DCC: variants seen among roughly 807,000 people sequenced by gnomAD.
The protein encoded by DCC is DCC netrin 1 receptor.
DCC carries 58 observed loss-of-function variants against 172.5 expected under a neutral mutation model. The observed-to-expected ratio is 0.34, with a 90% confidence interval of 0.27 to 0.42. The LOEUF is 0.42. DCC is among the 10% of genes least tolerant of loss of function. DCC has a pLI of 1.00. For synonymous variants in DCC, 709 were observed against 644.5 expected (o/e 1.10, Z -1.52); for missense variants, 1,740 against 1,791.0 (o/e 0.97, Z 0.51).
chr18:52,898,574 T>G (rs568561468), intron 2 of DCC, among the ~76,000 whole-genome samples: 7 of 152,294 alleles, frequency 4.6e-5, no homozygotes, highest in African/African-American at 1.4e-4. Context: ...GCAGTGTGTG[T>G]ATGCTTGGGT....
intron 12 of DCC, among the ~76,000 whole-genome samples, chr18:53,276,228 G>A (rs2056805326): frequency 6.6e-6 from 1 of 151,920 alleles, no homozygotes; most frequent in African/African-American, 2.4e-5. Context: ...ACTCAACTGG[G>A]GTTCTTTAAT....
At chr18:53,312,210 G>A (rs1185379503) in intron 13 of DCC, among the ~76,000 whole-genome samples, 4 of 143,580 alleles carry the variant, frequency 2.8e-5, no homozygotes, top group Non-Finnish European at 3.0e-5. Context: ...TGGTGGTGGC[G>A]GGCGTCTGTA....
chr18:52,572,612 G>C (rs892932163), intron 1 of DCC, among the ~76,000 whole-genome samples: 1 of 152,168 alleles, frequency 6.6e-6, no homozygotes. Context: ...CTTTGAAGGC[G>C]TGCTAAGGGG....
intron 1 of DCC, among the ~76,000 whole-genome samples, chr18:52,343,463 A>G (rs1212913916): frequency 6.6e-6 from 1 of 152,190 alleles, no homozygotes; most frequent in Admixed American, 6.5e-5. Flanking sequence ...GTAGATTTGT[A>G]TGAAACTGTG....
chr18:52,880,843 G>T (rs1451183270), intron 2 of DCC, among the ~76,000 whole-genome samples: 1 of 152,060 alleles, frequency 6.6e-6, no homozygotes, highest in Non-Finnish European at 1.5e-5. Context: ...ACATCTCTTT[G>T]TTATATTGAT....
intron 2 of DCC, among the ~76,000 whole-genome samples, chr18:52,757,546 G>A (rs927175638): frequency 6.6e-6 from 1 of 151,968 alleles, no homozygotes; most frequent in African/African-American, 2.4e-5. Flanking sequence ...ACACTCTAAG[G>A]AGCACGGTTG....
At chr18:52,418,372 C>T (rs967075918) in intron 1 of DCC, among the ~76,000 whole-genome samples, 2 of 152,090 alleles carry the variant, frequency 1.3e-5, no homozygotes, top group South Asian at 2.1e-4. Flanking sequence ...CCTCTGTAGG[C>T]AGACAAGGTA....
At chr18:52,955,498 T>A (rs2145557401) in intron 5 of DCC, among the ~76,000 whole-genome samples, 1 of 152,174 alleles carries the variant, frequency 6.6e-6, no homozygotes. Context: ...GTGAATAGAG[T>A]TTCTATAAAC....
At chr18:53,152,476 T>G (rs183967291) in intron 7 of DCC, among the ~76,000 whole-genome samples, 1 of 152,160 alleles carries the variant, frequency 6.6e-6, no homozygotes, top group African/African-American at 2.4e-5. Flanking sequence ...AAAATATTAT[T>G]TTTTGGCTTC....
intron 7 of DCC, among the ~76,000 whole-genome samples, chr18:53,149,775 T>C (rs1190747683): frequency 6.6e-6 from 1 of 152,250 alleles, no homozygotes; most frequent in Non-Finnish European, 1.5e-5. Context: ...GCTATAGTTA[T>C]CGTTGCTGAG....
chr18:52,396,356 T>C (rs1986230962), intron 1 of DCC, among the ~76,000 whole-genome samples: 1 of 98,382 alleles, frequency 1.0e-5, no homozygotes, highest in African/African-American at 4.1e-5. Context: ...AATAAAAAAA[T>C]CAACAATTTG....
At chr18:52,665,817 A>G (rs1003657982) in intron 1 of DCC, among the ~76,000 whole-genome samples, 4 of 152,212 alleles carry the variant, frequency 2.6e-5, no homozygotes, top group African/African-American at 9.6e-5. Context: ...TTCTCTGCCT[A>G]TGAAACTGAC....
chr18:53,344,078 T>C (rs1211842856), intron 15 of DCC, among the ~76,000 whole-genome samples: 2 of 152,036 alleles, frequency 1.3e-5, no homozygotes, highest in Non-Finnish European at 2.9e-5. Flanking sequence ...GAAAGAGCCT[T>C]TGACATTACT....
intron 1 of DCC, among the ~76,000 whole-genome samples, chr18:52,605,007 G>A (rs1472779530): frequency 8.1e-6 from 1 of 122,876 alleles, no homozygotes; most frequent in Non-Finnish European, 1.8e-5. Flanking sequence ...TTACTATAAG[G>A]AGCTGAAGTT....
In DCC at chr18:53,523,679, G is replaced by A. The variant is rs561363625; in HGVS notation, c.4112-2938G>A. Among the ~76,000 whole-genome samples the A allele has an allele frequency of 2.6e-5, 4 of 152,234 alleles. No homozygotes were observed. In the East Asian group the frequency reaches 7.8e-4, roughly 30 times the overall value. ...AAGAACAGAAAACCAAACACCGCAT[G>A]TTCTCACACATAAGTGGGAGTTGAA... On this transcript the variant is annotated intron_variant, in intron 27 of 28. Transcript: ENST00000442544.
chr18:53,160,840 CT>C (rs1212175464), intron 8 of DCC, among the ~76,000 whole-genome samples: 2 of 152,064 alleles, frequency 1.3e-5, no homozygotes, highest in African/African-American at 2.4e-5. Context: ...TCATATGTGA[CT>C]TTTTTTTCAC....
intron 1 of DCC, among the ~76,000 whole-genome samples, chr18:52,561,575 G>A (rs571503941): frequency 5.5e-4 from 83 of 152,192 alleles, no homozygotes; most frequent in Admixed American, 5.3e-3. Context: ...GCTCGAAAAA[G>A]CGAATGTGGA....
chr18:52,516,383 G>C (rs2031642026), intron 1 of DCC, among the ~76,000 whole-genome samples: 1 of 152,156 alleles, frequency 6.6e-6, no homozygotes, highest in African/African-American at 2.4e-5. Flanking sequence ...TTGTGTTGTG[G>C]AATACTACTC....
chr18:53,252,625 A>T (rs1303983859), intron 12 of DCC, among the ~76,000 whole-genome samples: 1 of 151,928 alleles, frequency 6.6e-6, no homozygotes, highest in African/African-American at 2.4e-5. Context: ...ACCATCACCA[A>T]GCATCTTTCT....
Sources: allele counts gnomAD v4.1 joint callset (sites outside exome capture counted in the v4.1 genomes callset), GRCh38; gene constraint gnomAD v4.1.1; transcripts MANE v1.5; gene names NCBI Gene and HGNC (gene_info 2026-07-23, HGNC 2026-07-21).